SLC4A5: variants seen among roughly 807,000 people sequenced by gnomAD.
SLC4A5 encodes solute carrier family 4 member 5.
In SLC4A5, 96 loss-of-function variants were observed where a neutral mutation model predicts 120.4. That is an observed-to-expected ratio of 0.80 (90% CI 0.68 to 0.94). The LOEUF is 0.94. Among genes scored for constraint, SLC4A5 ranks in the 40% least tolerant of loss-of-function variants. The pLI, the probability that SLC4A5 is intolerant of heterozygous loss-of-function variation, is 0.00. For synonymous variants in SLC4A5, 550 were observed against 571.1 expected (o/e 0.96, Z 0.53); for missense variants, 1,259 against 1,459.5 (o/e 0.86, Z 2.24).
chr2:74,342,594 C>T (rs1299865796), intron 1 of SLC4A5, 60 bp from the exon 2 acceptor site: 1 of 152,180 alleles, frequency 6.6e-6, no homozygotes, highest in African/African-American at 2.4e-5. Flanking sequence ...AAGCTAAGGG[C>T]ACTGGGTTTC....
At chr2:74,218,970 T>C (rs187117527) in intron 30 of SLC4A5, among the ~76,000 whole-genome samples, 178 bp from the exon 31 acceptor site, 47 of 152,362 alleles carry the variant, frequency 3.1e-4, no homozygotes, top group African/African-American at 1.0e-3. Context: ...GGTCTCACCC[T>C]GTAAACCTAT....
intron 7 of SLC4A5, among the ~76,000 whole-genome samples, chr2:74,286,927 A>T (rs1558895938): frequency 6.6e-6 from 1 of 152,210 alleles, no homozygotes; most frequent in Non-Finnish European, 1.5e-5. Context: ...CATGATGTCA[A>T]AGTGGTGACC....
intron 7 of SLC4A5, chr2:74,290,685 G>A: frequency 3.0e-6 from 3 of 984,536 alleles, no homozygotes; most frequent in Non-Finnish European, 3.6e-6. Context: ...GAGAGGGTGA[G>A]AGAGAAATCT....
At chr2:74,292,940 C>G (rs773814673) in intron 7 of SLC4A5, among the ~76,000 whole-genome samples, 18 of 152,132 alleles carry the variant, frequency 1.2e-4, no homozygotes, top group Non-Finnish European at 2.4e-4. Flanking sequence ...TGGGTTCACA[C>G]AGCATGTGTA....
intron 19 of SLC4A5, among the ~76,000 whole-genome samples, chr2:74,244,202 G>A (rs1256160795): frequency 6.6e-6 from 1 of 152,162 alleles, no homozygotes; most frequent in Non-Finnish European, 1.5e-5. Flanking sequence ...TACTTTCTGT[G>A]AAGAAACTGA....
At chr2:74,233,808 G>A (rs940215882) in intron 22 of SLC4A5, among the ~76,000 whole-genome samples, 1 of 152,204 alleles carries the variant, frequency 6.6e-6, no homozygotes, top group African/African-American at 2.4e-5. Context: ...CCTGGGGTTT[G>A]TCAGGAAACA....
At chr2:74,309,879 G>A (rs1156320494) in intron 6 of SLC4A5, among the ~76,000 whole-genome samples, 2 of 151,650 alleles carry the variant, frequency 1.3e-5, no homozygotes, top group African/African-American at 2.4e-5. Context: ...AGCCAGGATG[G>A]TCTTCATCTC....
intron 8 of SLC4A5, among the ~76,000 whole-genome samples, chr2:74,285,501 G>A (rs899191940): frequency 2.0e-5 from 3 of 152,214 alleles, no homozygotes; most frequent in Non-Finnish European, 4.4e-5. Context: ...TGGATATGGA[G>A]GGACAATGGT....
chr2:74,328,294 G>T (rs191051868), intron 4 of SLC4A5, 108 bp from the exon 5 acceptor site: 91 of 580,374 alleles, frequency 1.6e-4, no homozygotes, highest in Middle Eastern at 8.7e-4. Flanking sequence ...TGACCAAGGT[G>T]GGGGGAGGGA....
In SLC4A5 at chr2:74,232,605, G is replaced by A. The variant is rs148349884; in HGVS notation, c.2638C>T (p.Leu880Phe). 3.7e-6 allele frequency: 6 copies of A among 1,613,752 alleles called. No homozygotes were observed. The African/African-American group carries it at 6.7e-5, about 18-fold the overall frequency. Residue 880 changes from leucine (L) to phenylalanine (F), a missense_variant, in exon 24 of 31, where the codon CTC (leucine) becomes TTC (phenylalanine). Transcript: ENST00000394019. ...CCCATAAAGGAGCACAAAGCCATGA[G>A]GATGCCCACCCAGAACAGGTCCAGA... is the stretch of plus-strand genomic sequence containing the variant.
At chr2:74,307,191 TC>T in intron 6 of SLC4A5, 1 of 551,918 alleles carries the variant, frequency 1.8e-6, no homozygotes, top group Non-Finnish European at 3.4e-6. Flanking sequence ...GGTGCTCTCC[TC>T]CATCTGCTGA....
At chr2:74,273,181 T>C (rs562218746) in intron 8 of SLC4A5, among the ~76,000 whole-genome samples, 19 of 152,332 alleles carry the variant, frequency 1.2e-4, no homozygotes, top group African/African-American at 3.8e-4. Context: ...CCATTATGTG[T>C]AGTTAGATAA....
At chr2:74,223,298 C>G (rs536317044) in intron 28 of SLC4A5, among the ~76,000 whole-genome samples, 1 of 152,154 alleles carries the variant, frequency 6.6e-6, no homozygotes, top group African/African-American at 2.4e-5. Context: ...AGCCACCGCG[C>G]GTGGCCAACA....
chr2:74,245,130 C>A (rs1309706379), intron 19 of SLC4A5, among the ~76,000 whole-genome samples: 41 of 152,034 alleles, frequency 2.7e-4, no homozygotes, highest in Non-Finnish European at 1.2e-4. Context: ...ACCATCCTGG[C>A]CAAAATGGTG....
intron 16 of SLC4A5, among the ~76,000 whole-genome samples, chr2:74,251,975 C>T (rs1670805144): frequency 6.6e-6 from 1 of 152,178 alleles, no homozygotes; most frequent in South Asian, 2.1e-4. Flanking sequence ...GGTTCCTCTC[C>T]TCTTGTATGG....
rs201258412 is a variant in SLC4A5, at chr2:74,285,867, C to T, written c.307G>A (p.Gly103Arg). Residue 103 changes from glycine (G) to arginine (R), a missense_variant, in exon 8 of 31, where the codon GGG becomes AGG. Transcript: ENST00000394019. Reference sequence around the variant, plus strand: ...GGGTTGGGAGCCTCATCTTCCTCCCCCAGGATGTCCTGGAGCTGCTCAGCA... The same window carrying T: ...GGGTTGGGAGCCTCATCTTCCTCCCTCAGGATGTCCTGGAGCTGCTCAGCA... The T allele has an allele frequency of 2.5e-4, 407 of 1,611,376 alleles. 2 individuals carry two copies. Among genetic ancestry groups the T allele is most frequent in the South Asian group, 1.7e-4 (15 of 90,664 alleles).
chr2:74,248,488 T>TG lies in SLC4A5; in HGVS notation c.1654-3dup. The TG allele has an allele frequency of 6.2e-7, 1 of 1,613,862 alleles. No homozygotes were observed. The highest frequency in any genetic ancestry group is 8.5e-7 in the Non-Finnish European group (1 of 1,179,876). On this transcript the variant is annotated splice_polypyrimidine_tract_variant and splice_region_variant and intron_variant, in intron 17 of 30. Transcript: ENST00000394019. Reference sequence around the variant, plus strand: ...GCCCAGGAAGCTCTCCATCACTCCCTGGGGGCACAAGGAATGTGTGGTTCA... The same window carrying TG: ...GCCCAGGAAGCTCTCCATCACTCCCTGGGGGGCACAAGGAATGTGTGGTTCA...
At chr2:74,241,244 G>A (rs1045277444) in intron 20 of SLC4A5, among the ~76,000 whole-genome samples, 2 of 119,514 alleles carry the variant, frequency 1.7e-5, no homozygotes, top group African/African-American at 7.5e-5. Context: ...CTTTGTGTGC[G>A]TGTCATATTA....
chr2:74,270,867 C>T (rs1671454203), intron 8 of SLC4A5, among the ~76,000 whole-genome samples: 1 of 152,092 alleles, frequency 6.6e-6, no homozygotes, highest in Non-Finnish European at 1.5e-5. Context: ...AAACGTAGCT[C>T]ACATGGATCT....
Sources: gnomAD v4.1 joint callset for allele counts (sites outside exome capture counted in the v4.1 genomes callset) on GRCh38, gnomAD v4.1.1 for gene constraint, MANE v1.5 for transcripts, NCBI Gene and HGNC (gene_info 2026-07-23, HGNC 2026-07-21) for gene names.